The following TENM3 variants were observed in gnomAD, a reference collection of about 807,000 sequenced individuals.
The protein encoded by TENM3 is teneurin-3.
TENM3 carries 63 observed loss-of-function variants against 255.1 expected under a neutral mutation model. The observed-to-expected ratio is 0.25, with a 90% CI of 0.20 to 0.30. TENM3 has a LOEUF of 0.30. TENM3 is among the 10% of genes least tolerant of loss of function. The pLI is 1.00. For synonymous variants in TENM3, 1,306 were observed against 1,322.3 expected (o/e 0.99, Z 0.27); for missense variants, 2,929 against 3,461.1 (o/e 0.85, Z 3.86).
At chr4:182,682,164 A>C in intron 11 of TENM3, 150 bp downstream of exon 11, 2 of 713,320 alleles carry the variant, frequency 2.8e-6, no homozygotes, top group Non-Finnish European at 4.5e-6. Flanking sequence ...AATGATATGT[A>C]GTTGCCTTAT....
At chr4:181,646,422 G>A in the TENM3 span, among the ~76,000 whole-genome samples, 4 of 152,116 alleles carry the variant, frequency 2.6e-5, no homozygotes, top group African/African-American at 4.8e-5. Flanking sequence ...CAAGAGGAAG[G>A]TGTTTTGACA....
chr4:181,683,162 C>T, the TENM3 span, among the ~76,000 whole-genome samples: 1 of 151,192 alleles, frequency 6.6e-6, no homozygotes, highest in African/African-American at 2.4e-5. Flanking sequence ...TGATAATATC[C>T]CTAATGTATA....
At chr4:182,056,093 C>T in the TENM3 span, among the ~76,000 whole-genome samples, 875 of 152,134 alleles carry the variant, frequency 5.8e-3, 3 homozygotes, top group Middle Eastern at 0.034. Flanking sequence ...CATTAAAGAA[C>T]TCAGTGGTAA....
the TENM3 span, among the ~76,000 whole-genome samples, chr4:181,978,053 A>T: frequency 1.3e-5 from 2 of 152,214 alleles, no homozygotes; most frequent in Non-Finnish European, 2.9e-5. Context: ...GTTTTAACAG[A>T]TCTGCAAGCC....
At chr4:182,050,883 A>C in the TENM3 span, among the ~76,000 whole-genome samples, 1 of 152,226 alleles carries the variant, frequency 6.6e-6, no homozygotes, top group East Asian at 1.9e-4. Context: ...TGGCACAGGA[A>C]TATTCAAATG....
At chr4:181,533,064 C>T in the TENM3 span, among the ~76,000 whole-genome samples, 63 of 152,242 alleles carry the variant, frequency 4.1e-4, no homozygotes, top group Middle Eastern at 3.4e-3. Context: ...TTGGGGAAAG[C>T]ACTGAGACTA....
the TENM3 span, among the ~76,000 whole-genome samples, chr4:181,855,890 TAGGAAGGAAGA>T: frequency 9.4e-6 from 1 of 106,644 alleles, no homozygotes; most frequent in African/African-American, 3.7e-5. Context: ...GAGAAGGAGG[TAGGAAGGAAGA>T]AGGGAGGAAG....
chr4:182,665,044 A>G (rs1349785395), intron 6 of TENM3, among the ~76,000 whole-genome samples: 1 of 152,232 alleles, frequency 6.6e-6, no homozygotes, highest in Admixed American at 6.5e-5. Context: ...TGTAGATGAA[A>G]GAGCCTTAGA....
At chr4:182,738,580 G>A in intron 18 of TENM3, 36 bp downstream of exon 18, 1 of 1,543,734 alleles carries the variant, frequency 6.5e-7, no homozygotes, top group Non-Finnish European at 8.8e-7. Flanking sequence ...ATGTTGTAAT[G>A]TATTGTTCAG....
At chr4:182,728,166 A>G (rs1354677801) in intron 13 of TENM3, among the ~76,000 whole-genome samples, 1 of 152,098 alleles carries the variant, frequency 6.6e-6, no homozygotes, top group Non-Finnish European at 1.5e-5. Context: ...TATTTTATTG[A>G]AAGGTGGTTG....
chr4:182,519,332 G>C (rs1245257238), intron 3 of TENM3, among the ~76,000 whole-genome samples: 2 of 152,102 alleles, frequency 1.3e-5, no homozygotes, highest in African/African-American at 2.4e-5. Flanking sequence ...TATGTGTGTG[G>C]TTCATTTATA....
chr4:182,537,543 T>G (rs1021471124), intron 3 of TENM3, among the ~76,000 whole-genome samples: 3 of 152,204 alleles, frequency 2.0e-5, no homozygotes, highest in African/African-American at 7.2e-5. Context: ...GCACTTTGCT[T>G]TCTGCTATTT....
Position 182,346,055 on chromosome 4 carries a change from A to C in TENM3, c.233-596A>C, listed in dbSNP as rs114530890. ...TTTAATGTGTATATACACCCACCCC[A>C]CACACACACATATATACATACATAC... is the stretch of plus-strand genomic sequence containing the variant. On this transcript the variant is annotated intron_variant, in intron 2 of 27. Transcript: ENST00000511685. 8.0e-3 allele frequency among the ~76,000 whole-genome samples: 1,158 copies of C among 144,930 alleles called. 2 individuals are homozygous for C. The highest frequency in any genetic ancestry group is 0.012 in the Admixed American group (167 of 14,462).
chr4:182,686,238 C>A (rs1756564158), intron 11 of TENM3, among the ~76,000 whole-genome samples: 1 of 151,860 alleles, frequency 6.6e-6, no homozygotes, highest in African/African-American at 2.4e-5. Flanking sequence ...TAGAAAAAAT[C>A]TTTATGAAAC....
At chr4:181,720,439 C>G in the TENM3 span, among the ~76,000 whole-genome samples, 108 of 152,228 alleles carry the variant, frequency 7.1e-4, no homozygotes, top group South Asian at 0.015. Context: ...TGTGGTGTTA[C>G]AGGCTGCATT....
the TENM3 span, among the ~76,000 whole-genome samples, chr4:182,111,335 C>T: frequency 3.3e-5 from 5 of 151,880 alleles, no homozygotes; most frequent in African/African-American, 1.2e-4. Context: ...CTTCCAGAAG[C>T]AATAAACCAT....
chr4:182,005,699 G>A, the TENM3 span, among the ~76,000 whole-genome samples: 197 of 152,292 alleles, frequency 1.3e-3, no homozygotes, highest in African/African-American at 4.6e-3. Context: ...TCCTATCCCT[G>A]AGGATGGAAT....
chr4:182,562,957 CTTTA>C (rs1465969138), intron 3 of TENM3, among the ~76,000 whole-genome samples: 1 of 152,132 alleles, frequency 6.6e-6, no homozygotes, highest in African/African-American at 2.4e-5. Context: ...AAGATCAATA[CTTTA>C]TTTATTCTTT....
chr4:181,600,695 G>T, the TENM3 span, among the ~76,000 whole-genome samples: 8 of 151,870 alleles, frequency 5.3e-5, no homozygotes, highest in Non-Finnish European at 1.2e-4. Flanking sequence ...GGCCGTGGCT[G>T]CTCCCTGCTG....
Sources: gnomAD v4.1 joint callset for allele counts (sites outside exome capture counted in the v4.1 genomes callset) on GRCh38, gnomAD v4.1.1 for gene constraint, MANE v1.5 for transcripts, NCBI Gene and HGNC (gene_info 2026-07-23, HGNC 2026-07-21) for gene names.